The following MEIKIN variants were observed in gnomAD, a reference collection of about 807,000 sequenced individuals.
The protein encoded by MEIKIN is meiotic kinetochore factor.
At chr5:131,818,681 T>A in intron 12 of MEIKIN, 59 bp downstream of exon 12, 1 of 391,854 alleles carries the variant, frequency 2.6e-6, no homozygotes, top group Non-Finnish European at 4.5e-6. Context: ...AAGGCATTTT[T>A]AATGAAAAAA....
rs565444537 is a variant in MEIKIN at position 131,906,247 on chromosome 5, G to A, written c.703+5568C>T. 2.2e-3 allele frequency among the ~76,000 whole-genome samples: 338 copies of A among 152,108 alleles called. 1 individual carries two copies. Among genetic ancestry groups the A allele is most frequent in the Non-Finnish European group, 3.3e-3 (223 of 67,982 alleles). ...ACTCTTCAAAAGAAGACATACACAC[G>A]ACCGACAAACATGCAAAAATGCTCA... On this transcript the variant is annotated intron_variant, in intron 8 of 12. Coordinates refer to ENST00000442687, the MANE Select transcript of MEIKIN (RefSeq NM_001303622.2).
At chr5:131,901,449 C>T (rs1354569363) in intron 8 of MEIKIN, among the ~76,000 whole-genome samples, 1 of 152,116 alleles carries the variant, frequency 6.6e-6, no homozygotes, top group African/African-American at 2.4e-5. Flanking sequence ...CTGTTAATAC[C>T]TGCATGGACA....
At position 131,894,776 on chromosome 5, in the gene MEIKIN, C is replaced by G. The variant is rs544573655; in HGVS notation, c.704-15728G>C. On this transcript the variant is annotated intron_variant, in intron 8 of 12. Coordinates refer to ENST00000442687, the MANE Select transcript of MEIKIN (RefSeq NM_001303622.2). Reference sequence around the variant, plus strand: ...TATCCTGAGATTTTGCTGAAGTTGCCTATCAGCTTAAGGAGATTTTGGCCT... The same window carrying G: ...TATCCTGAGATTTTGCTGAAGTTGCGTATCAGCTTAAGGAGATTTTGGCCT... Among the ~76,000 whole-genome samples, 15 of 152,224 alleles carry G rather than the reference C, an allele frequency of 9.9e-5. No individual in the cohort carries two copies. The East Asian group carries it at 2.9e-3, about 29-fold the overall frequency.
intron 9 of MEIKIN, among the ~76,000 whole-genome samples, chr5:131,857,189 T>C (rs555555434): frequency 7.7e-4 from 117 of 152,240 alleles, no homozygotes; most frequent in African/African-American, 2.6e-3. Context: ...AAATTCATAA[T>C]CAAGAAATAC....
chr5:131,896,394 G>A lies in MEIKIN; in HGVS notation c.703+15421C>T, dbSNP rs58384331. 6.4e-3 allele frequency among the ~76,000 whole-genome samples: 967 copies of A among 152,248 alleles called. 7 individuals are homozygous for A. Among genetic ancestry groups the A allele is most frequent in the African/African-American group, 0.022 (905 of 41,542 alleles). On this transcript the variant is annotated intron_variant, in intron 8 of 12. Transcript: ENST00000442687. ...GGGGTGGAGAGTTCTGTAGATGGCT[G>A]TTAGGTCTGCTTGGTGCAGAGCTGA...
chr5:131,870,962 A>G (rs771036385), intron 9 of MEIKIN, among the ~76,000 whole-genome samples: 1 of 152,192 alleles, frequency 6.6e-6, no homozygotes, highest in Non-Finnish European at 1.5e-5. Flanking sequence ...TCCTCAAGAA[A>G]CTGATGAAAA....
At chr5:131,810,850 A>T (rs534091721) in intron 12 of MEIKIN, among the ~76,000 whole-genome samples, 1 of 152,344 alleles carries the variant, frequency 6.6e-6, no homozygotes, top group South Asian at 2.1e-4. Flanking sequence ...AACAAAAATC[A>T]TACTGATCAC....
At chr5:131,935,201 T>C (rs189142953) in intron 4 of MEIKIN, among the ~76,000 whole-genome samples, 2 of 135,626 alleles carry the variant, frequency 1.5e-5, no homozygotes, top group Non-Finnish European at 3.0e-5. Flanking sequence ...GATGCCAAGG[T>C]GAGAGGATCA....
intron 11 of MEIKIN, among the ~76,000 whole-genome samples, chr5:131,845,066 C>T (rs937794874): frequency 1.3e-5 from 2 of 151,872 alleles, no homozygotes; most frequent in Non-Finnish European, 2.9e-5. Flanking sequence ...GTCAGGAGAT[C>T]GAGACCATCC....
intron 11 of MEIKIN, among the ~76,000 whole-genome samples, chr5:131,829,713 TCTGCAGACTTAATC>T (rs1383464824): frequency 1.2e-4 from 18 of 152,224 alleles, no homozygotes; most frequent in African/African-American, 4.3e-4. Context: ...AAATAGGGTC[TCTGCAGACTTAATC>T]AAGTTAAGAT....
At chr5:131,881,365 C>T (rs1214111054) in intron 8 of MEIKIN, among the ~76,000 whole-genome samples, 2 of 152,170 alleles carry the variant, frequency 1.3e-5, no homozygotes, top group African/African-American at 4.8e-5. Context: ...TCCTGGTTTT[C>T]CTACTACAGC....
intron 11 of MEIKIN, among the ~76,000 whole-genome samples, chr5:131,827,271 C>T (rs539163301): frequency 2.6e-5 from 4 of 152,190 alleles, no homozygotes; most frequent in Admixed American, 6.5e-5. Flanking sequence ...AAGTGTGAGA[C>T]ATCATGACCA....
chr5:131,916,992 A>C (rs1432643251), intron 6 of MEIKIN, 67 bp from the exon 7 acceptor site: 1 of 392,432 alleles, frequency 2.5e-6, no homozygotes, highest in Non-Finnish European at 4.5e-6. Context: ...GTAAAAATGA[A>C]TATTTTCCCC....
chr5:131,922,011 C>T (rs1190138924), intron 5 of MEIKIN, 70 bp from the exon 6 acceptor site: 1 of 397,306 alleles, frequency 2.5e-6, no homozygotes, highest in Non-Finnish European at 4.4e-6. Context: ...TACTCCCTAC[C>T]CCACCTTAGG....
At chr5:131,861,054 G>GC in intron 9 of MEIKIN, among the ~76,000 whole-genome samples, 1 of 151,864 alleles carries the variant, frequency 6.6e-6, no homozygotes, top group South Asian at 2.1e-4. Flanking sequence ...GAGCCACCAT[G>GC]CCCAGCCCTA....
intron 6 of MEIKIN, among the ~76,000 whole-genome samples, chr5:131,919,036 C>T (rs535651867): frequency 2.6e-5 from 4 of 152,220 alleles, no homozygotes; most frequent in African/African-American, 9.6e-5. Flanking sequence ...AGACAACTGA[C>T]AAACTGGGAC....
At chr5:131,856,183 T>C (rs1463147400) in intron 9 of MEIKIN, among the ~76,000 whole-genome samples, 4 of 152,242 alleles carry the variant, frequency 2.6e-5, no homozygotes. Flanking sequence ...TATTTAGTTT[T>C]CGCATTTCAA....
At chr5:131,816,250 G>C (rs1271670952) in intron 12 of MEIKIN, among the ~76,000 whole-genome samples, 1 of 152,230 alleles carries the variant, frequency 6.6e-6, no homozygotes, top group Non-Finnish European at 1.5e-5. Context: ...GTGATGGTTA[G>C]TTGTGTGTGA....
intron 8 of MEIKIN, among the ~76,000 whole-genome samples, chr5:131,902,225 G>A (rs1042276820): frequency 2.0e-5 from 3 of 152,094 alleles, no homozygotes; most frequent in African/African-American, 7.2e-5. Flanking sequence ...TTGAGCTCAG[G>A]GGTTCGAGAC....
Sources: gnomAD v4.1 joint callset for allele counts (sites outside exome capture counted in the v4.1 genomes callset) on GRCh38, gnomAD v4.1.1 for gene constraint, MANE v1.5 for transcripts, NCBI Gene and HGNC (gene_info 2026-07-23, HGNC 2026-07-21) for gene names.